Variants in NKAIN2 observed in about 807,000 individuals in gnomAD.
NKAIN2 encodes sodium/potassium transporting ATPase interacting 2.
Under a neutral mutation model 32.6 loss-of-function variants are expected in NKAIN2, and 14 were observed. The observed-to-expected ratio is 0.43, with a 90% CI of 0.28 to 0.67. NKAIN2 has a LOEUF of 0.67. NKAIN2 is among the 30% of genes least tolerant of loss of function. The probability of loss-of-function intolerance (pLI) is 0.17; values close to 1 mark genes in which losing one functional copy is unlikely to be tolerated. For synonymous variants in NKAIN2, 80 were observed against 87.2 expected, an observed-to-expected ratio of 0.92 and a Z score of 0.46; for missense variants, 198 against 258.3, an observed-to-expected ratio of 0.77 and a Z score of 1.60.
intron 2 of NKAIN2, among the ~76,000 whole-genome samples, chr6:124,304,534 A>C (rs1351592338): frequency 6.6e-6 from 1 of 152,222 alleles, no homozygotes; most frequent in Non-Finnish European, 1.5e-5. Flanking sequence ...GAGTAGTGTC[A>C]TGAAAATTAA....
At chr6:123,974,468 T>G (rs1180959125) in intron 1 of NKAIN2, among the ~76,000 whole-genome samples, 1 of 152,110 alleles carries the variant, frequency 6.6e-6, no homozygotes, top group Admixed American at 6.6e-5. Flanking sequence ...CCTCTTTTAG[T>G]GTATTTGATA....
intron 4 of NKAIN2, among the ~76,000 whole-genome samples, chr6:124,741,190 A>T (rs540277231): frequency 6.6e-6 from 1 of 151,614 alleles, no homozygotes; most frequent in Non-Finnish European, 1.5e-5. Flanking sequence ...GAACATATTA[A>T]GTTAGATGTC....
chr6:123,851,975 G>A (rs1775366795), intron 1 of NKAIN2, among the ~76,000 whole-genome samples: 1 of 151,774 alleles, frequency 6.6e-6, no homozygotes, highest in African/African-American at 2.4e-5. Flanking sequence ...CCATTTGTCT[G>A]TTTATACTTT....
chr6:124,626,413 G>C (rs1405369811), intron 3 of NKAIN2, among the ~76,000 whole-genome samples: 4 of 148,940 alleles, frequency 2.7e-5, no homozygotes, highest in Non-Finnish European at 6.0e-5. Flanking sequence ...GTAACAAGAA[G>C]CAGGTCCTGT....
intron 3 of NKAIN2, among the ~76,000 whole-genome samples, chr6:124,489,643 G>A (rs1169302006): frequency 6.6e-6 from 1 of 151,776 alleles, no homozygotes; most frequent in Non-Finnish European, 1.5e-5. Context: ...AATTCTGAAA[G>A]TGAAAAACAG....
intron 2 of NKAIN2, among the ~76,000 whole-genome samples, chr6:124,314,628 C>A (rs895317266): frequency 1.3e-5 from 2 of 152,108 alleles, no homozygotes; most frequent in African/African-American, 4.8e-5. Flanking sequence ...GAGGCTGGGG[C>A]CTTTCTATCC....
At chr6:124,779,318 G>GGGAA (rs869195660) in intron 4 of NKAIN2, among the ~76,000 whole-genome samples, 3,047 of 52,850 alleles carry the variant, frequency 0.058, 136 homozygotes, top group Middle Eastern at 0.097. Flanking sequence ...GAGGGAGGGA[G>GGGAA]GGAAGGAAGG....
Position 123,924,736 on chromosome 6 carries a change from A to C in NKAIN2, c.54+120482A>C, listed in dbSNP as rs891183828. 4.6e-5 allele frequency among the ~76,000 whole-genome samples: 7 copies of C among 152,212 alleles called. No homozygotes were observed. In the East Asian group the frequency reaches 9.7e-4, roughly 21 times the overall value. On this transcript the variant is annotated intron_variant, in intron 1 of 6. Transcript: ENST00000368417. Reference sequence around the variant, plus strand: ...TATCTAAAAATTCTTCCTAGCCCTAAATTTTAACTATAATATAATTTCATG... The same window carrying C: ...TATCTAAAAATTCTTCCTAGCCCTACATTTTAACTATAATATAATTTCATG...
intron 3 of NKAIN2, among the ~76,000 whole-genome samples, chr6:124,535,002 A>G (rs1326482710): frequency 1.3e-5 from 2 of 152,204 alleles, no homozygotes; most frequent in Non-Finnish European, 2.9e-5. Context: ...TCATTTCTAG[A>G]TAGGTTATAA....
chr6:123,959,942 TG>T (rs1227755151), intron 1 of NKAIN2, among the ~76,000 whole-genome samples: 1 of 140,482 alleles, frequency 7.1e-6, no homozygotes, highest in East Asian at 2.1e-4. Flanking sequence ...TGTGTGTGTG[TG>T]TGTGTGTGTG....
chr6:124,585,398 C>G (rs1404498274), intron 3 of NKAIN2, among the ~76,000 whole-genome samples: 1 of 152,054 alleles, frequency 6.6e-6, no homozygotes, highest in East Asian at 1.9e-4. Context: ...TAGTGTTTGA[C>G]AGCACAACAG....
intron 3 of NKAIN2, among the ~76,000 whole-genome samples, chr6:124,620,840 T>C (rs1783079030): frequency 6.6e-6 from 1 of 152,194 alleles, no homozygotes; most frequent in Admixed American, 6.5e-5. Flanking sequence ...TAACTCCTGC[T>C]AAAGAAAACT....
chr6:123,823,936 G>T (rs889791568), intron 1 of NKAIN2, among the ~76,000 whole-genome samples: 3 of 152,078 alleles, frequency 2.0e-5, no homozygotes, highest in Non-Finnish European at 4.4e-5. Context: ...AAGTAGTTAG[G>T]AATAGATGGA....
chr6:124,690,230 T>C (rs1343586912), intron 4 of NKAIN2, among the ~76,000 whole-genome samples: 1 of 152,162 alleles, frequency 6.6e-6, no homozygotes, highest in Non-Finnish European at 1.5e-5. Flanking sequence ...ATTGTGCTTT[T>C]AATTTCAAAT....
At chr6:124,663,734 A>G (rs953366391) in intron 4 of NKAIN2, among the ~76,000 whole-genome samples, 3 of 152,162 alleles carry the variant, frequency 2.0e-5, no homozygotes, top group Non-Finnish European at 4.4e-5. Flanking sequence ...CAAATTGGGC[A>G]ATTTTCAATT....
At chr6:124,602,768 T>C (rs1358285514) in intron 3 of NKAIN2, among the ~76,000 whole-genome samples, 1 of 151,988 alleles carries the variant, frequency 6.6e-6, no homozygotes, top group African/African-American at 2.4e-5. Context: ...TATACTTGTA[T>C]GTTCTTCTTT....
intron 1 of NKAIN2, among the ~76,000 whole-genome samples, chr6:124,155,055 C>T (rs1787912785): frequency 6.6e-6 from 1 of 152,040 alleles, no homozygotes; most frequent in African/African-American, 2.4e-5. Context: ...TTCAAAATTG[C>T]TGATTGACCT....
chr6:124,659,673 C>A (rs1286407185), intron 4 of NKAIN2, among the ~76,000 whole-genome samples: 1 of 152,096 alleles, frequency 6.6e-6, no homozygotes, highest in African/African-American at 2.4e-5. Flanking sequence ...GCCAGTATCT[C>A]CATCATCATG....
At chr6:124,386,295 C>G (rs559871766) in intron 3 of NKAIN2, among the ~76,000 whole-genome samples, 115 of 152,064 alleles carry the variant, frequency 7.6e-4, no homozygotes, top group Non-Finnish European at 1.4e-3. Context: ...TTATAATAAG[C>G]AGGTGTTATC....
Sources: gnomAD v4.1 joint callset for allele counts (sites outside exome capture counted in the v4.1 genomes callset) on GRCh38, gnomAD v4.1.1 for gene constraint, MANE v1.5 for transcripts, NCBI Gene and HGNC (gene_info 2026-07-23, HGNC 2026-07-21) for gene names.